Variants in CYRIA observed in about 807,000 individuals in gnomAD.
CYRIA encodes the protein CYFIP related Rac1 interactor A.
CYRIA carries 15 observed loss-of-function variants against 43.9 expected under a neutral mutation model. The ratio of observed to expected loss-of-function variants is 0.34; its 90% CI spans 0.23 to 0.53. The LOEUF (loss-of-function observed/expected upper bound fraction) is 0.53. Ranked by LOEUF, CYRIA falls within the 20% of genes least tolerant of loss-of-function variation. The pLI, the probability that CYRIA is intolerant of heterozygous loss-of-function variation, is 0.94. For missense variants in CYRIA, 236 were observed against 394.2 expected (o/e 0.60, Z 3.40); for synonymous variants, 117 against 136.0 (o/e 0.86, Z 0.97).
chr2:16,586,683 T>G (rs914074684), intron 3 of CYRIA, among the ~76,000 whole-genome samples: 1 of 152,000 alleles, frequency 6.6e-6, no homozygotes, highest in Non-Finnish European at 1.5e-5. Context: ...GAGCTTACAC[T>G]TTTGGTTTAG....
intron 3 of CYRIA, among the ~76,000 whole-genome samples, chr2:16,577,134 A>G (rs1667380130): frequency 6.6e-6 from 1 of 152,232 alleles, no homozygotes; most frequent in Non-Finnish European, 1.5e-5. Context: ...TTATACACTT[A>G]AAATCTGATC....
intron 5 of CYRIA, among the ~76,000 whole-genome samples, chr2:16,563,425 T>C (rs993199194): frequency 6.6e-5 from 10 of 152,178 alleles, no homozygotes; most frequent in African/African-American, 2.4e-4. Flanking sequence ...TCATTCAAGA[T>C]ATACTGTATT....
In CYRIA at chr2:16,565,711, G is replaced by C; in HGVS notation, c.127C>G (p.Gln43Glu). 6.3e-7 allele frequency: 1 copy of C among 1,595,224 alleles called. No individual in the cohort carries two copies. Among genetic ancestry groups the C allele is most frequent in the Non-Finnish European group, 8.6e-7 (1 of 1,165,694 alleles). Residue 43 changes from glutamine to glutamate, a missense_variant, in exon 4 of 12, where the codon CAG becomes GAG. Gln to Glu is a conservative substitution (Grantham distance 29). Transcript: ENST00000381323. ...TCTGCAAGGATGCTCTCAGAATCCT[G>C]AAGGACGGCGCTGATCTGGTTCCAG... is the stretch of plus-strand genomic sequence containing the variant. ...EIWNQISAVL[Q>E]DSESILADLQ...
intron 1 of CYRIA, among the ~76,000 whole-genome samples, chr2:16,627,010 G>A (rs1669190208): frequency 6.6e-6 from 1 of 151,366 alleles, no homozygotes; most frequent in African/African-American, 2.5e-5. Flanking sequence ...TCAGAGACAG[G>A]AGGTGCCTTA....
intron 3 of CYRIA, among the ~76,000 whole-genome samples, chr2:16,572,932 C>T (rs935696770): frequency 6.6e-6 from 1 of 152,196 alleles, no homozygotes; most frequent in Non-Finnish European, 1.5e-5. Flanking sequence ...ACTGTCTCTT[C>T]CATGTGCTTA....
At chr2:16,568,227 GAAAA>G (rs71400699) in intron 3 of CYRIA, among the ~76,000 whole-genome samples, 899 of 88,734 alleles carry the variant, frequency 0.01, 11 homozygotes, top group African/African-American at 0.033. Flanking sequence ...TTCAAAATCA[GAAAA>G]AAAAAAAAAA....
chr2:16,612,195 G>A (rs1668629172), intron 2 of CYRIA, among the ~76,000 whole-genome samples: 1 of 152,162 alleles, frequency 6.6e-6, no homozygotes, highest in Non-Finnish European at 1.5e-5. Flanking sequence ...GAAAGAATGA[G>A]TGAAGAATGA....
intron 2 of CYRIA, among the ~76,000 whole-genome samples, chr2:16,615,908 G>A (rs991563634): frequency 6.6e-6 from 1 of 152,214 alleles, no homozygotes; most frequent in South Asian, 2.1e-4. Flanking sequence ...CAGGGCAGGC[G>A]CCCTCCACAG....
At chr2:16,635,468 G>A (rs1019559061) in intron 1 of CYRIA, among the ~76,000 whole-genome samples, 4 of 152,036 alleles carry the variant, frequency 2.6e-5, no homozygotes, top group Non-Finnish European at 4.4e-5. Context: ...ACATGGTACC[G>A]GGCACACCAT....
rs1279756348 is a variant in CYRIA, at chr2:16,550,491, A to G, written c.*2445T>C. 6.6e-6 allele frequency: 1 copy of G among 152,014 alleles called. No homozygotes were observed. The highest frequency in any genetic ancestry group is 2.4e-5 in the African/African-American group (1 of 41,400). The allele number at this position is 152,014 out of a possible 1,614,324, so 9.4% of individuals were successfully genotyped here. A position where few individuals can be genotyped will look rare whatever the true frequency, so the allele number is the denominator to read the frequency against. On this transcript the variant is annotated 3_prime_UTR_variant, in exon 12 of 12. Transcript: ENST00000381323. ...CCAGTAATCAGAGACAACAATTCAG[A>G]CCCTGGACTTCTCAGAATCCATGTA...
intron 1 of CYRIA, among the ~76,000 whole-genome samples, chr2:16,626,094 GAATGACAGT>G (rs1317714552): frequency 2.3e-4 from 35 of 152,062 alleles, no homozygotes; most frequent in Non-Finnish European, 4.9e-4. Flanking sequence ...ACATTGTAAA[GAATGACAGT>G]CACCTGGTAA....
Position 16,565,786 on chromosome 2 carries a change from G to C in CYRIA, c.71-19C>G. On this transcript the variant is annotated intron_variant, in intron 3 of 11. Coordinates refer to ENST00000381323, the MANE Select transcript of CYRIA (RefSeq NM_030797.4). The stretch of plus-strand genomic sequence containing the variant: ...TGAGCATCTAAGAAACAGGGAAACC[G>C]AGAGACAGAGTGCTGGTGTTTACAA... 2 of 1,544,812 alleles carry C rather than the reference G, an allele frequency of 1.3e-6. No homozygotes were observed. Among genetic ancestry groups the C allele is most frequent in the Non-Finnish European group, 8.8e-7 (1 of 1,131,292 alleles).
intron 1 of CYRIA, among the ~76,000 whole-genome samples, chr2:16,646,642 T>C (rs1181080658): frequency 1.3e-5 from 2 of 152,224 alleles, no homozygotes. Flanking sequence ...TGTATCAACT[T>C]GACTGGAGCA....
intron 3 of CYRIA, 69 bp from the exon 4 acceptor site, chr2:16,565,836 T>C: frequency 7.1e-7 from 1 of 1,412,248 alleles, no homozygotes; most frequent in Non-Finnish European, 9.5e-7. Context: ...GGATGGATAT[T>C]CAGTTTTACC....
intron 1 of CYRIA, among the ~76,000 whole-genome samples, chr2:16,645,596 A>T (rs1331497465): frequency 1.3e-5 from 2 of 152,194 alleles, no homozygotes; most frequent in Non-Finnish European, 2.9e-5. Context: ...TTGGAAAAGG[A>T]GATGGGATAT....
intron 1 of CYRIA, chr2:16,625,598 G>A (rs1305133841): frequency 6.6e-6 from 1 of 152,172 alleles, no homozygotes; most frequent in African/African-American, 2.4e-5. Context: ...ACTCAGGGTT[G>A]GGGTCCACAA....
intron 1 of CYRIA, among the ~76,000 whole-genome samples, chr2:16,628,174 A>G (rs1275009424): frequency 6.6e-6 from 1 of 151,578 alleles, no homozygotes; most frequent in Non-Finnish European, 1.5e-5. Flanking sequence ...AACAACAACA[A>G]CAGCCACCAT....
rs1426924710 is a variant in CYRIA, at chr2:16,564,167, GT to G, written c.193-74del. The stretch of plus-strand genomic sequence containing the variant: ...CCACATCAAAATGCCCTAAGATTTA[GT>G]TTAAAATACAATCCTTGCTATACTT... On this transcript the variant is annotated intron_variant, in intron 4 of 11. Transcript: ENST00000381323. 15 of 1,184,530 alleles carry G rather than the reference GT, an allele frequency of 1.3e-5. No homozygotes were observed. In the Admixed American group the frequency reaches 2.7e-4, roughly 21 times the overall value. The allele number at this position is 1,184,530 out of a possible 1,614,324, so 73.4% of individuals were successfully genotyped here.
At position 16,552,068 on chromosome 2, in the gene CYRIA, AC is replaced by A. The variant is rs1467729548; in HGVS notation, c.*867del. 6.6e-6 allele frequency: 1 copy of A among 152,250 alleles called. No homozygotes were observed. The highest frequency in any genetic ancestry group is 2.1e-4 in the South Asian group (1 of 4,832). 9.4% of individuals were successfully genotyped at this position (152,250 alleles called of 1,614,324 possible). A position where few individuals can be genotyped will look rare whatever the true frequency, so the allele number is the denominator to read the frequency against. On this transcript the variant is annotated 3_prime_UTR_variant, in exon 12 of 12. Coordinates refer to ENST00000381323, the MANE Select transcript of CYRIA (RefSeq NM_030797.4). ...GGGCTCTTATGAGGGGTGGCTGTGC[AC>A]CCAGAACTCTGCAGGTAACTGGAAG...
Sources: gnomAD v4.1 joint callset for allele counts (sites outside exome capture counted in the v4.1 genomes callset) on GRCh38, gnomAD v4.1.1 for gene constraint, MANE v1.5 for transcripts, NCBI Gene and HGNC (gene_info 2026-07-23, HGNC 2026-07-21) for gene names.